BMPR2: variants seen among roughly 807,000 people sequenced by gnomAD.
The protein encoded by BMPR2 is bone morphogenetic protein receptor type 2.
Under a neutral mutation model 100.8 loss-of-function variants are expected in BMPR2, and 29 were observed. The ratio of observed to expected loss-of-function variants is 0.29; its 90% CI spans 0.21 to 0.39. The LOEUF (loss-of-function observed/expected upper bound fraction) is 0.39, where lower values mean the gene tolerates loss of function less well. Among genes scored for constraint, BMPR2 ranks in the 10% least tolerant of loss-of-function variants. BMPR2 has a pLI of 1.00. For synonymous variants in BMPR2, 382 were observed against 442.3 expected, an observed-to-expected ratio of 0.86 and a Z score of 1.71; for missense variants, 1,011 against 1,274.5, an observed-to-expected ratio of 0.79 and a Z score of 3.15.
At chr2:202,436,578 G>A (rs1412362209) in intron 1 of BMPR2, among the ~76,000 whole-genome samples, 1 of 150,674 alleles carries the variant, frequency 6.6e-6, no homozygotes, top group Non-Finnish European at 1.5e-5. Flanking sequence ...AACAATGCAT[G>A]GCCTATCTTT....
chr2:202,455,951 G>C (rs980920564), intron 1 of BMPR2, among the ~76,000 whole-genome samples: 1 of 150,020 alleles, frequency 6.7e-6, no homozygotes, highest in East Asian at 2.0e-4. Context: ...TGTAGTCCCA[G>C]CTACTTGGGA....
chr2:202,486,624 CAA>C (rs200186562), intron 3 of BMPR2, among the ~76,000 whole-genome samples: 32 of 113,424 alleles, frequency 2.8e-4, no homozygotes, highest in African/African-American at 3.4e-4. Context: ...AGACTGTCTC[CAA>C]AAAAAAAAAA....
chr2:202,546,309 C>G (rs1285050872), intron 10 of BMPR2, among the ~76,000 whole-genome samples: 1 of 152,174 alleles, frequency 6.6e-6, no homozygotes, highest in Non-Finnish European at 1.5e-5. Context: ...GATTAAGAAA[C>G]ATTCCTTTAG....
At chr2:202,523,745 G>A (rs905043482) in intron 7 of BMPR2, among the ~76,000 whole-genome samples, 9 of 151,888 alleles carry the variant, frequency 5.9e-5, no homozygotes, top group Admixed American at 3.3e-4. Context: ...CAGAAGTTGC[G>A]GTGAGCCAAG....
In BMPR2 at chr2:202,516,438, C is replaced by A. The variant is rs182829059; in HGVS notation, c.621+1459C>A. On this transcript the variant is annotated intron_variant, in intron 5 of 12. Transcript: ENST00000374580. The stretch of plus-strand genomic sequence containing the variant: ...CTGTAATCCCAGCTCTTTTGGGAGG[C>A]CAAAGTGGGTGGATTGCTTGAGCCC... Among the ~76,000 whole-genome samples, 12 of 152,130 alleles carry A rather than the reference C, an allele frequency of 7.9e-5. No individual in the cohort carries two copies. In the East Asian group the frequency reaches 1.7e-3, roughly 22 times the overall value.
At chr2:202,392,226 C>T (rs1185227569) in intron 1 of BMPR2, among the ~76,000 whole-genome samples, 4 of 152,042 alleles carry the variant, frequency 2.6e-5, no homozygotes, top group African/African-American at 7.2e-5. Flanking sequence ...CCTGCCATCA[C>T]GCCTGGCTGG....
intron 3 of BMPR2, among the ~76,000 whole-genome samples, chr2:202,478,122 A>G (rs1397684246): frequency 2.0e-5 from 3 of 152,182 alleles, no homozygotes; most frequent in Admixed American, 6.6e-5. Context: ...ACTGTAAACA[A>G]GTATCTTTTT....
rs1559066523 is a variant in BMPR2 at position 202,530,939 on chromosome 2, T to TGCA, written c.1116_1118dup (p.Ala373dup). On this transcript the variant is annotated inframe_insertion, in exon 8 of 13. Transcript: ENST00000374580. ...TGGTGCGCCCAGGGGAGGAAGATAATGCAGCCATAAGCGAGGTGAGTGTAT... is the reference window on the plus strand; with the variant it reads ...TGGTGCGCCCAGGGGAGGAAGATAATGCAGCAGCCATAAGCGAGGTGAGTGTAT... 6.2e-7 allele frequency: 1 copy of TGCA among 1,614,066 alleles called. No homozygotes were observed. Among genetic ancestry groups the TGCA allele is most frequent in the Admixed American group, 1.7e-5 (1 of 59,996 alleles).
chr2:202,567,018 T>G lies in BMPR2; in HGVS notation c.*7072T>G, dbSNP rs1408812773. The stretch of plus-strand genomic sequence containing the variant: ...AATTGCTTGACTTCTGTGGCTTTTC[T>G]TTTTCTGGCCACATTTATTTATTTA... On this transcript the variant is annotated 3_prime_UTR_variant, in exon 13 of 13. Coordinates refer to ENST00000374580, the MANE Select transcript of BMPR2 (RefSeq NM_001204.7). 1 of 152,238 alleles carries G rather than the reference T, an allele frequency of 6.6e-6. No individual in the cohort carries two copies. The highest frequency in any genetic ancestry group is 1.5e-5 in the Non-Finnish European group (1 of 68,034). The allele number at this position is 152,238 out of a possible 1,614,324, so 9.4% of individuals were successfully genotyped here.
intron 1 of BMPR2, among the ~76,000 whole-genome samples, chr2:202,413,335 C>T (rs1691051677): frequency 6.6e-6 from 1 of 152,172 alleles, no homozygotes; most frequent in Admixed American, 6.5e-5. Flanking sequence ...AGATAATCTT[C>T]AGTCAGTCAT....
At chr2:202,543,069 T>A (rs913976602) in intron 10 of BMPR2, among the ~76,000 whole-genome samples, 2 of 150,196 alleles carry the variant, frequency 1.3e-5, no homozygotes. Context: ...CCCAGCTAGT[T>A]GGGAGGCTGA....
chr2:202,423,686 C>T (rs1031700835), intron 1 of BMPR2, among the ~76,000 whole-genome samples: 6 of 152,224 alleles, frequency 3.9e-5, no homozygotes, highest in East Asian at 1.9e-4. Context: ...GCCAGGAATT[C>T]GAGTCTGCAG....
intron 1 of BMPR2, among the ~76,000 whole-genome samples, chr2:202,436,876 C>T (rs1339969581): frequency 6.6e-6 from 1 of 150,710 alleles, no homozygotes; most frequent in Non-Finnish European, 1.5e-5. Context: ...TAGGTCTTCG[C>T]AAAATATTTC....
intron 3 of BMPR2, among the ~76,000 whole-genome samples, chr2:202,471,902 C>CA (rs993213291): frequency 1.4e-5 from 2 of 146,916 alleles, no homozygotes; most frequent in African/African-American, 2.5e-5. Context: ...TGTATTGGTT[C>CA]AAAAAAAGAT....
At chr2:202,517,803 GTTC>G (rs1052462494) in intron 5 of BMPR2, among the ~76,000 whole-genome samples, 5 of 150,602 alleles carry the variant, frequency 3.3e-5, no homozygotes, top group East Asian at 2.0e-4. Context: ...ACAATTTTCT[GTTC>G]TTCTTTTTTC....
At chr2:202,387,925 T>G (rs1367973450) in intron 1 of BMPR2, among the ~76,000 whole-genome samples, 1 of 152,248 alleles carries the variant, frequency 6.6e-6, no homozygotes, top group African/African-American at 2.4e-5. Flanking sequence ...ATGAATTTAT[T>G]CATGTTACTT....
At chr2:202,380,198 A>C (rs1178972497) in intron 1 of BMPR2, among the ~76,000 whole-genome samples, 2 of 149,464 alleles carry the variant, frequency 1.3e-5, no homozygotes, top group African/African-American at 5.0e-5. Flanking sequence ...GCCCCCCCCA[A>C]AAAAAAAAAC....
At chr2:202,430,043 G>A (rs770671379) in intron 1 of BMPR2, among the ~76,000 whole-genome samples, 1 of 152,188 alleles carries the variant, frequency 6.6e-6, no homozygotes, top group Non-Finnish European at 1.5e-5. Context: ...TTCCAATGTG[G>A]AGGCTAGAAG....
chr2:202,457,522 A>C, intron 1 of BMPR2, among the ~76,000 whole-genome samples: 1 of 148,386 alleles, frequency 6.7e-6, no homozygotes, highest in Non-Finnish European at 1.5e-5. Context: ...ATATAAAGAT[A>C]TATTATTTTT....
Sources: gnomAD v4.1 joint callset for allele counts (sites outside exome capture counted in the v4.1 genomes callset) on GRCh38, gnomAD v4.1.1 for gene constraint, MANE v1.5 for transcripts, NCBI Gene and HGNC (gene_info 2026-07-23, HGNC 2026-07-21) for gene names.